ME3: variants seen among roughly 807,000 people sequenced by gnomAD.
ME3 encodes NADP-dependent malic enzyme, mitochondrial.
ME3 carries 48 observed loss-of-function variants against 68.9 expected under a neutral mutation model. The ratio of observed to expected loss-of-function variants is 0.70; its 90% CI spans 0.55 to 0.89. The LOEUF (loss-of-function observed/expected upper bound fraction) is 0.89, where lower values mean the gene tolerates loss of function less well. ME3 is among the 40% of genes least tolerant of loss of function. The probability of loss-of-function intolerance (pLI) is 0.00; values close to 1 mark genes in which losing one functional copy is unlikely to be tolerated. For missense variants in ME3, 675 were observed against 797.4 expected, an observed-to-expected ratio of 0.85 and a Z score of 1.85; for synonymous variants, 320 against 318.8, an observed-to-expected ratio of 1.00 and a Z score of -0.04.
chr11:86,542,507 A>G (rs1160676509), intron 4 of ME3, among the ~76,000 whole-genome samples: 1 of 152,236 alleles, frequency 6.6e-6, no homozygotes, highest in Non-Finnish European at 1.5e-5. Context: ...TTCATGAACA[A>G]TACACAAGTA....
At chr11:86,476,587 A>G (rs1223174274) in intron 7 of ME3, among the ~76,000 whole-genome samples, 1 of 152,144 alleles carries the variant, frequency 6.6e-6, no homozygotes, top group Non-Finnish European at 1.5e-5. Context: ...GAAAGGCCCA[A>G]GTAACACTCA....
At chr11:86,634,282 GTC>G (rs1472699922) in intron 2 of ME3, among the ~76,000 whole-genome samples, 1 of 152,184 alleles carries the variant, frequency 6.6e-6, no homozygotes, top group Non-Finnish European at 1.5e-5. Context: ...TTGGGTTCAT[GTC>G]TCTACATGGG....
At chr11:86,454,452 A>T (rs532637050) in intron 8 of ME3, among the ~76,000 whole-genome samples, 24 of 152,358 alleles carry the variant, frequency 1.6e-4, no homozygotes, top group African/African-American at 5.8e-4. Flanking sequence ...GACACAGTAG[A>T]CTGTTTTATA....
chr11:86,448,961 A>G (rs1376877654), intron 10 of ME3, among the ~76,000 whole-genome samples: 6 of 152,102 alleles, frequency 3.9e-5, no homozygotes, highest in Non-Finnish European at 8.8e-5. Context: ...AAGAGGGAAG[A>G]GTGGCTGTCT....
intron 2 of ME3, among the ~76,000 whole-genome samples, chr11:86,626,271 A>C (rs973020614): frequency 3.9e-5 from 6 of 152,234 alleles, no homozygotes; most frequent in African/African-American, 1.4e-4. Flanking sequence ...GAAGAGAAAG[A>C]AGAAACTGGC....
At chr11:86,584,151 G>T (rs1958600096) in intron 2 of ME3, among the ~76,000 whole-genome samples, 1 of 152,218 alleles carries the variant, frequency 6.6e-6, no homozygotes, top group African/African-American at 2.4e-5. Context: ...TGTAAAATGG[G>T]CTAAGGACCT....
chr11:86,521,319 C>A (rs1000111015), intron 4 of ME3, among the ~76,000 whole-genome samples: 1 of 151,806 alleles, frequency 6.6e-6, no homozygotes, highest in Non-Finnish European at 1.5e-5. Context: ...GGCGTGAACC[C>A]AGGAGGCGGA....
At chr11:86,450,229 C>CT in intron 9 of ME3, 72 bp downstream of exon 9, 1 of 1,450,486 alleles carries the variant, frequency 6.9e-7, no homozygotes, top group Non-Finnish European at 9.6e-7. Context: ...GAATGCCTCC[C>CT]TTTTTTGGTA....
chr11:86,643,131 A>G (rs1263265610), intron 2 of ME3, among the ~76,000 whole-genome samples: 2 of 152,176 alleles, frequency 1.3e-5, no homozygotes, highest in Non-Finnish European at 2.9e-5. Context: ...TCGTCATACA[A>G]GGTCCTCATT....
chr11:86,640,491 C>T (rs1465108078), intron 2 of ME3, among the ~76,000 whole-genome samples: 2 of 152,234 alleles, frequency 1.3e-5, no homozygotes, highest in Non-Finnish European at 2.9e-5. Context: ...AACACATGCT[C>T]AGAACCCCAC....
intron 4 of ME3, among the ~76,000 whole-genome samples, chr11:86,519,673 C>T (rs1345829894): frequency 6.6e-6 from 1 of 152,074 alleles, no homozygotes; most frequent in African/African-American, 2.4e-5. Flanking sequence ...AGGAAGGGAA[C>T]CTGTCCTCTG....
chr11:86,555,754 C>T (rs1956895563), intron 4 of ME3, among the ~76,000 whole-genome samples: 1 of 152,178 alleles, frequency 6.6e-6, no homozygotes, highest in African/African-American at 2.4e-5. Context: ...TACATGTTCC[C>T]CATAAAACGC....
intron 2 of ME3, among the ~76,000 whole-genome samples, chr11:86,614,001 C>CT (rs1273881088): frequency 6.6e-6 from 1 of 152,152 alleles, no homozygotes; most frequent in African/African-American, 2.4e-5. Flanking sequence ...AACAGAGAGC[C>CT]TGTATAGTCA....
intron 2 of ME3, among the ~76,000 whole-genome samples, chr11:86,609,042 A>T (rs1280455602): frequency 6.6e-6 from 1 of 152,210 alleles, no homozygotes; most frequent in Non-Finnish European, 1.5e-5. Flanking sequence ...AATCCCTTTT[A>T]GATAGATTCT....
At chr11:86,462,482 T>C (rs1950269440) in intron 8 of ME3, 12 of 887,034 alleles carry the variant, frequency 1.4e-5, no homozygotes, top group Non-Finnish European at 1.6e-5. Context: ...ACCACCACCT[T>C]TGTTCAAGGG....
At chr11:86,437,157 G>A (rs1201502009), downstream of ME3, 1 of 152,066 alleles carries the variant, frequency 6.6e-6, no homozygotes, top group Non-Finnish European at 1.5e-5. Flanking sequence ...CCACTTATGA[G>A]AACATATGGC....
At chr11:86,452,994 G>T (rs1273307243) in intron 8 of ME3, among the ~76,000 whole-genome samples, 3 of 150,482 alleles carry the variant, frequency 2.0e-5, no homozygotes, top group Non-Finnish European at 4.5e-5. Flanking sequence ...TTTTGTTTTT[G>T]TTTTTGTTTT....
chr11:86,600,305 G>A (rs1000511773), intron 2 of ME3, among the ~76,000 whole-genome samples: 2 of 152,182 alleles, frequency 1.3e-5, no homozygotes, highest in African/African-American at 4.8e-5. Context: ...TGCAATCCTA[G>A]TCTCTGATAA....
intron 8 of ME3, among the ~76,000 whole-genome samples, chr11:86,458,673 G>A (rs1048894837): frequency 3.9e-5 from 6 of 152,092 alleles, no homozygotes; most frequent in Non-Finnish European, 7.4e-5. Context: ...AGAGACCAGG[G>A]GAAGTTTCAT....
Sources: gnomAD v4.1 joint callset for allele counts (sites outside exome capture counted in the v4.1 genomes callset) on GRCh38, gnomAD v4.1.1 for gene constraint, MANE v1.5 for transcripts, NCBI Gene and HGNC (gene_info 2026-07-23, HGNC 2026-07-21) for gene names.